The following BMP5 variants were observed in gnomAD, a reference collection of about 807,000 sequenced individuals.
The protein encoded by BMP5 is bone morphogenetic protein 5.
In BMP5, 23 loss-of-function variants were observed where a neutral mutation model predicts 46.6. The ratio of observed to expected loss-of-function variants is 0.49; its 90% CI spans 0.35 to 0.70. BMP5 has a LOEUF of 0.70. Ranked by LOEUF, BMP5 falls within the 30% of genes least tolerant of loss-of-function variation. The probability of loss-of-function intolerance (pLI) is 0.00; values close to 1 mark genes in which losing one functional copy is unlikely to be tolerated. For synonymous variants in BMP5, 204 were observed against 191.9 expected (o/e 1.06, Z -0.52); for missense variants, 545 against 565.6 (o/e 0.96, Z 0.37).
At chr6:55,787,901 C>A (rs1173314547) in intron 3 of BMP5, among the ~76,000 whole-genome samples, 1 of 151,568 alleles carries the variant, frequency 6.6e-6, no homozygotes, top group Non-Finnish European at 1.5e-5. Context: ...GCTTTCCCAG[C>A]ATTTTTTGGG....
Position 55,860,897 on chromosome 6 carries a change from T to C in BMP5, c.490+13479A>G, listed in dbSNP as rs562636627. Among the ~76,000 whole-genome samples the C allele has an allele frequency of 2.0e-5, 3 of 152,306 alleles. No homozygotes were observed. In the East Asian group the frequency reaches 5.8e-4, roughly 29 times the overall value. ...TTTTGGAAAACAAATATATCCCAAG[T>C]CCTTACCCTTTAATTCATAAAATAC... On this transcript the variant is annotated intron_variant, in intron 1 of 6. Transcript: ENST00000370830.
chr6:55,799,637 G>C (rs773669998), intron 2 of BMP5, among the ~76,000 whole-genome samples: 17 of 152,256 alleles, frequency 1.1e-4, no homozygotes, highest in Non-Finnish European at 2.1e-4. Context: ...CCTTGTGTAA[G>C]AGCAGGTACT....
chr6:55,785,383 G>A (rs902611660), intron 3 of BMP5, among the ~76,000 whole-genome samples: 12 of 151,808 alleles, frequency 7.9e-5, no homozygotes, highest in Admixed American at 2.6e-4. Flanking sequence ...ACAGTGATCC[G>A]TTATTTATGT....
intron 2 of BMP5, among the ~76,000 whole-genome samples, chr6:55,806,581 A>G (rs1425954090): frequency 6.6e-6 from 1 of 152,156 alleles, no homozygotes; most frequent in African/African-American, 2.4e-5. Flanking sequence ...TGAAATTTAA[A>G]GTAGTTTTTT....
intron 1 of BMP5, among the ~76,000 whole-genome samples, chr6:55,847,588 A>G (rs756092158): frequency 1.3e-5 from 2 of 151,918 alleles, no homozygotes; most frequent in Non-Finnish European, 2.9e-5. Context: ...TTATTCATTG[A>G]CTTCAATGAC....
chr6:55,802,284 T>G (rs1775868601), intron 2 of BMP5, among the ~76,000 whole-genome samples: 2 of 152,246 alleles, frequency 1.3e-5, no homozygotes, highest in South Asian at 4.1e-4. Flanking sequence ...CCACTTCGAC[T>G]CCTCATGCCA....
Position 55,774,229 on chromosome 6 carries a change from C to A in BMP5, c.847G>T (p.Val283Leu), listed in dbSNP as rs748147968. 6.2e-7 allele frequency: 1 copy of A among 1,612,882 alleles called. No individual in the cohort carries two copies. Among genetic ancestry groups the A allele is most frequent in the Admixed American group, 1.7e-5 (1 of 59,862 alleles). ...AETGDGRSINVKSAGLVGRQG... is the reference protein window; with the variant it reads ...AETGDGRSINLKSAGLVGRQG... Reference sequence around the variant, plus strand: ...CTTCCCACAAGACCAGCAGATTTTACGTTGATACTGCGTCCTAGAACGTAA... The same window carrying A: ...CTTCCCACAAGACCAGCAGATTTTAAGTTGATACTGCGTCCTAGAACGTAA... Residue 283 changes from valine (V) to leucine (L), a missense_variant, in exon 4 of 7, where the codon GTA becomes TTA. Physicochemically the swap from Val to Leu is conservative, Grantham distance 32. Coordinates refer to ENST00000370830, the MANE Select transcript of BMP5 (RefSeq NM_021073.4).
intron 1 of BMP5, among the ~76,000 whole-genome samples, chr6:55,863,505 TAAA>T (rs773995491): frequency 6.6e-6 from 1 of 152,186 alleles, no homozygotes; most frequent in Non-Finnish European, 1.5e-5. Context: ...AAGATGTGGA[TAAA>T]TTGAAATAAC....
chr6:55,823,370 G>A (rs1333169325), intron 1 of BMP5, among the ~76,000 whole-genome samples: 1 of 151,992 alleles, frequency 6.6e-6, no homozygotes, highest in Non-Finnish European at 1.5e-5. Flanking sequence ...TTAATTGAAT[G>A]AAAAATTGCA....
rs973641076 is a variant in BMP5, at chr6:55,767,710, G to A, written c.1027+6339C>T. On this transcript the variant is annotated intron_variant, in intron 4 of 6. Transcript: ENST00000370830. Reference sequence around the variant, plus strand: ...TAATATTAGTTACTGTCATAATTACGTGGATTAGAAATATTCTCACTTGTG... The same window carrying A: ...TAATATTAGTTACTGTCATAATTACATGGATTAGAAATATTCTCACTTGTG... 3.3e-5 allele frequency among the ~76,000 whole-genome samples: 5 copies of A among 151,998 alleles called. No homozygotes were observed. The South Asian group carries it at 8.3e-4, about 25-fold the overall frequency.
chr6:55,775,882 C>G (rs535540329), intron 3 of BMP5, among the ~76,000 whole-genome samples: 25 of 149,510 alleles, frequency 1.7e-4, no homozygotes, highest in Admixed American at 6.0e-4. Flanking sequence ...TTGAGAGGGA[C>G]GGACACAGGG....
chr6:55,760,453 C>G lies in BMP5; in HGVS notation c.1104+4G>C. 3.1e-6 allele frequency: 5 copies of G among 1,612,772 alleles called. No individual in the cohort carries two copies. The highest frequency in any genetic ancestry group is 4.2e-6 in the Non-Finnish European group (5 of 1,179,060). Reference sequence around the variant, plus strand: ...AAGCACCAAAGTTGACTGAAAATTCCTACCTGCCATCCCAGATCCCGGAAG... The same window carrying G: ...AAGCACCAAAGTTGACTGAAAATTCGTACCTGCCATCCCAGATCCCGGAAG... On this transcript the variant is annotated splice_donor_region_variant and intron_variant, in intron 5 of 6. Coordinates refer to ENST00000370830, the MANE Select transcript of BMP5 (RefSeq NM_021073.4).
chr6:55,781,359 A>C (rs568698155), intron 3 of BMP5, among the ~76,000 whole-genome samples: 2 of 152,232 alleles, frequency 1.3e-5, no homozygotes, highest in East Asian at 3.9e-4. Context: ...ATTTTAGTAA[A>C]ACTATAGGGA....
At chr6:55,859,750 T>A (rs1362490518) in intron 1 of BMP5, among the ~76,000 whole-genome samples, 1 of 152,214 alleles carries the variant, frequency 6.6e-6, no homozygotes, top group Non-Finnish European at 1.5e-5. Flanking sequence ...TTGCTGTATT[T>A]CCAGAATGGC....
intron 4 of BMP5, among the ~76,000 whole-genome samples, chr6:55,765,814 T>A (rs1774904184): frequency 6.6e-6 from 1 of 152,176 alleles, no homozygotes; most frequent in African/African-American, 2.4e-5. Flanking sequence ...AATAACTCTG[T>A]AATGTGTTTG....
At chr6:55,866,256 G>A (rs537717331) in intron 1 of BMP5, among the ~76,000 whole-genome samples, 15 of 152,270 alleles carry the variant, frequency 9.9e-5, no homozygotes, top group Admixed American at 9.8e-4. Context: ...AGGGCAGGGA[G>A]TGGCTCTGGC....
At chr6:55,818,886 C>T (rs186227974) in intron 2 of BMP5, among the ~76,000 whole-genome samples, 26 of 151,960 alleles carry the variant, frequency 1.7e-4, no homozygotes, top group Admixed American at 1.6e-3. Flanking sequence ...AGAGATATCA[C>T]CTCAATATAG....
intron 2 of BMP5, among the ~76,000 whole-genome samples, chr6:55,817,948 A>G (rs183868403): frequency 6.6e-6 from 1 of 152,296 alleles, no homozygotes; most frequent in Non-Finnish European, 1.5e-5. Context: ...GGTTGCAATG[A>G]TAATAATAAT....
Position 55,828,537 on chromosome 6 carries a change from C to T in BMP5, c.491-8690G>A, listed in dbSNP as rs1040804699. Reference sequence around the variant, plus strand: ...TGATGTCAAAGTGAAGCCACTCACCCTAAGTATATCAATAGTTGGAGTTTG... The same window carrying T: ...TGATGTCAAAGTGAAGCCACTCACCTTAAGTATATCAATAGTTGGAGTTTG... On this transcript the variant is annotated intron_variant, in intron 1 of 6. Transcript: ENST00000370830. Among the ~76,000 whole-genome samples the T allele has an allele frequency of 2.0e-5, 3 of 151,646 alleles. No individual in the cohort carries two copies. The South Asian group carries it at 6.2e-4, about 31-fold the overall frequency.
Sources: gnomAD v4.1 joint callset for allele counts (sites outside exome capture counted in the v4.1 genomes callset) on GRCh38, gnomAD v4.1.1 for gene constraint, MANE v1.5 for transcripts, NCBI Gene and HGNC (gene_info 2026-07-23, HGNC 2026-07-21) for gene names.